The following ZNF578 variants were observed in gnomAD, a reference collection of about 807,000 sequenced individuals.
ZNF578 encodes Putative chemokine-related protein B42.
A neutral mutation model predicts 8.3 loss-of-function variants in ZNF578; 8 were observed. The ratio of observed to expected loss-of-function variants is 0.96; its 90% confidence interval spans 0.56 to 1.74. The LOEUF is 1.74. Ranked by LOEUF, ZNF578 falls within the 40% of genes most tolerant of loss-of-function variation. The pLI is 0.00. For synonymous variants in ZNF578, 206 were observed against 232.2 expected, an observed-to-expected ratio of 0.89 and a Z score of 1.03; for missense variants, 726 against 707.5, an observed-to-expected ratio of 1.03 and a Z score of -0.30.
At chr19:52,473,714 T>C (rs2059299236) in intron 2 of ZNF578, 3 of 243,586 alleles carry the variant, frequency 1.2e-5, no homozygotes, top group Non-Finnish European at 2.4e-5. Flanking sequence ...GAAGTCCTTA[T>C]CACATTCCTT....
chr19:52,501,232 T>G lies in ZNF578; in HGVS notation c.-19-595T>G, dbSNP rs140516837. ...CCACTGTCTGGATCCTGGTGAGAAC[T>G]TGGCCCCAAGCGGAGGGCAGAGCCA... On this transcript the variant is annotated intron_variant, in intron 3 of 5. Transcript: ENST00000421239. 6.7e-4 allele frequency among the ~76,000 whole-genome samples: 102 copies of G among 152,328 alleles called. 1 individual carries two copies. In the East Asian group the frequency reaches 0.018, roughly 26 times the overall value.
intron 1 of ZNF578, chr19:52,454,517 G>GTATT (rs1255629899): frequency 3.9e-5 from 6 of 152,230 alleles, no homozygotes; most frequent in African/African-American, 1.4e-4. Flanking sequence ...CCAGTCTTCA[G>GTATT]TATTTATTAA....
chr19:52,461,559 C>A (rs1407276372), intron 2 of ZNF578, among the ~76,000 whole-genome samples: 2 of 152,202 alleles, frequency 1.3e-5, no homozygotes, highest in South Asian at 2.1e-4. Flanking sequence ...GGTATCCAAA[C>A]TCCTTCTCTG....
At chr19:52,473,727 A>G (rs1323213959) in intron 2 of ZNF578, 3 of 264,490 alleles carry the variant, frequency 1.1e-5, no homozygotes, top group African/African-American at 2.3e-5. Flanking sequence ...CATTCCTTAC[A>G]TGTATAAGGT....
At chr19:52,487,384 A>G (rs969200928) in intron 2 of ZNF578, among the ~76,000 whole-genome samples, 4 of 152,168 alleles carry the variant, frequency 2.6e-5, no homozygotes, top group African/African-American at 9.7e-5. Flanking sequence ...GTTGACTTCC[A>G]TGTATATAAT....
At chr19:52,458,468 T>TATATATATATATA (rs139009068) in intron 2 of ZNF578, 1 of 121,752 alleles carries the variant, frequency 8.2e-6, no homozygotes, top group African/African-American at 4.0e-5. Context: ...GCTACTATGT[T>TATATATATATATA]TATATATATA....
At chr19:52,503,623 A>T (rs919569860) in intron 4 of ZNF578, among the ~76,000 whole-genome samples, 1 of 152,146 alleles carries the variant, frequency 6.6e-6, no homozygotes, top group Admixed American at 6.5e-5. Context: ...GATTACAGGC[A>T]TGAGCCACTG....
chr19:52,503,800 C>G (rs58816003), intron 4 of ZNF578, among the ~76,000 whole-genome samples: 1 of 125,516 alleles, frequency 8.0e-6, no homozygotes, highest in Non-Finnish European at 1.7e-5. Context: ...CCTGTGTTTG[C>G]TTTTTTTTTT....
chr19:52,495,589 A>G, intron 3 of ZNF578, among the ~76,000 whole-genome samples: 1 of 152,070 alleles, frequency 6.6e-6, no homozygotes, highest in Non-Finnish European at 1.5e-5. Flanking sequence ...GGAAGCAGTA[A>G]TGAAGATGAA....
rs1599921134 is a variant in ZNF578 at position 52,512,214 on chromosome 19, G to T, written c.*60G>T. On this transcript the variant is annotated 3_prime_UTR_variant, in exon 6 of 6. Transcript: ENST00000421239. ...GCATGTGACAAAGTTTTCAGTCACA[G>T]ATCACGCCTTAAAAGACATAGGAGA... 6.2e-7 allele frequency: 1 copy of T among 1,604,544 alleles called. No individual in the cohort carries two copies. The highest frequency in any genetic ancestry group is 1.1e-5 in the South Asian group (1 of 90,494).
At chr19:52,469,167 G>GTGT (rs2059284277) in intron 2 of ZNF578, among the ~76,000 whole-genome samples, 1 of 130,614 alleles carries the variant, frequency 7.7e-6, no homozygotes, top group African/African-American at 2.9e-5. Flanking sequence ...GTTTTTTTTT[G>GTGT]TTTTTTTTTT....
Position 52,516,780 on chromosome 19 carries a change from G to C in ZNF578, c.*4626G>C, listed in dbSNP as rs1052855. Among the ~76,000 whole-genome samples the C allele has an allele frequency of 3.9e-5, 6 of 152,226 alleles. No homozygotes were observed. The highest frequency in any genetic ancestry group is 9.6e-5 in the African/African-American group (4 of 41,548). ...CCTAACTCCACCGCCTGTCCCAAAA[G>C]CTACAAGAACTAATGATAATCCCAC... On this transcript the variant is annotated 3_prime_UTR_variant, in exon 6 of 6. Coordinates refer to ENST00000421239, the MANE Select transcript of ZNF578 (RefSeq NM_001099694.2).
chr19:52,453,680 C>G (rs2042912), intron 1 of ZNF578, 73 bp downstream of exon 1: 128,495 of 152,178 alleles, frequency 0.84, 56,102 homozygotes, highest in Non-Finnish European at 0.96. Context: ...GGGGTTCTTA[C>G]GGATCTTAAA....
intron 3 of ZNF578, among the ~76,000 whole-genome samples, chr19:52,499,302 C>T (rs1361110388): frequency 6.6e-6 from 1 of 152,178 alleles, no homozygotes; most frequent in Non-Finnish European, 1.5e-5. Flanking sequence ...TGAGCAAAAA[C>T]AGGGGATTAG....
In ZNF578 at chr19:52,516,205, C is replaced by T. The variant is rs1320404966; in HGVS notation, c.*4051C>T. On this transcript the variant is annotated 3_prime_UTR_variant, in exon 6 of 6. Transcript: ENST00000421239. ...AGAGCTCTCTCCCATGCCCTCCCAC[C>T]CCTGGTCTCAAGCTCCTGAGCTCAA... Among the ~76,000 whole-genome samples, 1 of 152,188 alleles carries T rather than the reference C, an allele frequency of 6.6e-6. No individual in the cohort carries two copies.
intron 3 of ZNF578, among the ~76,000 whole-genome samples, chr19:52,494,200 A>G (rs918279254): frequency 6.6e-6 from 1 of 152,116 alleles, no homozygotes; most frequent in Non-Finnish European, 1.5e-5. Flanking sequence ...TAATGAAGAA[A>G]GAGTGGCTGG....
intron 3 of ZNF578, 67 bp from the exon 4 acceptor site, chr19:52,501,760 G>C (rs989818840): frequency 1.0e-5 from 16 of 1,539,196 alleles, no homozygotes; most frequent in Non-Finnish European, 1.4e-5. Context: ...CCCCGTTCCT[G>C]TGTTTTTATC....
intron 3 of ZNF578, among the ~76,000 whole-genome samples, chr19:52,493,587 ATAACAGGGAAGAGAGAATT>A (rs1568462680): frequency 6.6e-6 from 1 of 152,078 alleles, no homozygotes; most frequent in Non-Finnish European, 1.5e-5. Context: ...ACAGGGGGGT[ATAACAGGGAAGAGAGAATT>A]TAACAGGGAG....
chr19:52,513,324 G>C lies in ZNF578; in HGVS notation c.*1170G>C, dbSNP rs913500947. Among the ~76,000 whole-genome samples, 2 of 99,696 alleles carry C rather than the reference G, an allele frequency of 2.0e-5. No individual in the cohort carries two copies. The highest frequency in any genetic ancestry group is 2.2e-5 in the Non-Finnish European group (1 of 45,776). 65.4% of individuals were successfully genotyped at this position (99,696 alleles called of 152,430 possible). A position where few individuals can be genotyped will look rare whatever the true frequency, so the allele number is the denominator to read the frequency against. On this transcript the variant is annotated 3_prime_UTR_variant, in exon 6 of 6. Coordinates refer to ENST00000421239, the MANE Select transcript of ZNF578 (RefSeq NM_001099694.2). ...GGCATATGCCACCGCGCCTGGCATT[G>C]TTTCTTCTTTTCCTTTTTTTTTTTT...
Sources: gnomAD v4.1 joint callset for allele counts (sites outside exome capture counted in the v4.1 genomes callset) on GRCh38, gnomAD v4.1.1 for gene constraint, MANE v1.5 for transcripts, NCBI Gene and HGNC (gene_info 2026-07-23, HGNC 2026-07-21) for gene names.